ACTN2: variants seen among roughly 807,000 people sequenced by gnomAD.
The protein encoded by ACTN2 is alpha-actinin-2.
In ACTN2, 39 loss-of-function variants were observed where a neutral mutation model predicts 113.8. The observed-to-expected ratio is 0.34, with a 90% confidence interval of 0.27 to 0.45. The LOEUF is 0.45. ACTN2 is among the 20% of genes least tolerant of loss of function. The probability of loss-of-function intolerance (pLI) is 1.00; values close to 1 mark genes in which losing one functional copy is unlikely to be tolerated. For missense variants in ACTN2, 992 were observed against 1,177.9 expected (o/e 0.84, Z 2.31); for synonymous variants, 429 against 444.1 (o/e 0.97, Z 0.43).
intron 17 of ACTN2, 142 bp from the exon 18 acceptor site, chr1:236,757,344 A>AT: frequency 3.6e-5 from 39 of 1,078,828 alleles, no homozygotes; most frequent in Non-Finnish European, 5.0e-5. Flanking sequence ...ACAAAGTAGA[A>AT]TTTTTTTTCA....
chr1:236,749,567 C>T (rs902506888), intron 14 of ACTN2, among the ~76,000 whole-genome samples: 3 of 151,952 alleles, frequency 2.0e-5, no homozygotes, highest in South Asian at 2.1e-4. Context: ...GAGGCTGAGG[C>T]GGGTGGATTG....
intron 12 of ACTN2, among the ~76,000 whole-genome samples, chr1:236,747,448 T>C (rs2102934237): frequency 6.6e-6 from 1 of 152,328 alleles, no homozygotes; most frequent in Middle Eastern, 3.4e-3. Context: ...ACATACATTG[T>C]ATGAAATCAC....
At chr1:236,755,280 G>A (rs1390479913) in intron 17 of ACTN2, 82 bp downstream of exon 17, 4 of 1,501,966 alleles carry the variant, frequency 2.7e-6, no homozygotes, top group Non-Finnish European at 3.7e-6. Flanking sequence ...TCATGCACTT[G>A]TCTTTCTTTG....
chr1:236,759,817 G>T (rs1255615761), intron 19 of ACTN2, 28 bp downstream of exon 19: 1 of 1,593,242 alleles, frequency 6.3e-7, no homozygotes, highest in African/African-American at 1.3e-5. Context: ...ATTGTACTAA[G>T]ATTTGATATT....
chr1:236,739,658 T>C (rs773924537), intron 10 of ACTN2, 126 bp downstream of exon 10: 42 of 1,143,434 alleles, frequency 3.7e-5, no homozygotes, highest in Non-Finnish European at 5.0e-5. Flanking sequence ...AATATCATTT[T>C]GGCCCTGTAA....
At chr1:236,747,574 T>C (rs1659273225) in intron 12 of ACTN2, 93 bp from the exon 13 acceptor site, 1 of 1,165,656 alleles carries the variant, frequency 8.6e-7, no homozygotes, top group Non-Finnish European at 1.3e-6. Context: ...GTTTTTGTTT[T>C]TAAACTTCCC....
At chr1:236,715,178 T>C (rs941203625) in intron 1 of ACTN2, among the ~76,000 whole-genome samples, 18 of 151,672 alleles carry the variant, frequency 1.2e-4, no homozygotes, top group African/African-American at 2.4e-4. Flanking sequence ...TTATTCTACT[T>C]TAAGGTTTAG....
At position 236,757,617 on chromosome 1, in the gene ACTN2, CA is replaced by C; in HGVS notation, c.2288del (p.Asn763ThrfsTer10). 1 of 1,614,202 alleles carries C rather than the reference CA, an allele frequency of 6.2e-7. No homozygotes were observed. The highest frequency in any genetic ancestry group is 8.5e-7 in the Non-Finnish European group (1 of 1,180,044). On this transcript the variant is annotated frameshift_variant, in exon 18 of 21. Transcript: ENST00000366578. LOFTEE classifies it high-confidence loss of function. Reference protein sequence around the residue: ...EQMNEFRASFNHFDRRKNGLM... With the variant: ...EQMNEFRASFXHFDRRKNGLM... ...AGATGAATGAGTTCAGAGCCTCCTT[CA>C]ACCACTTTGACAGGGTACCACTCTC... is the stretch of plus-strand genomic sequence containing the variant.
chr1:236,719,205 A>G (rs1658310618), intron 3 of ACTN2, among the ~76,000 whole-genome samples, 192 bp downstream of exon 3: 2 of 152,228 alleles, frequency 1.3e-5, no homozygotes, highest in South Asian at 4.1e-4. Context: ...ACCAAGCTCT[A>G]GGTTCTTTGT....
Position 236,709,250 on chromosome 1 carries a change from A to ATATATATG in ACTN2, c.127-8602_127-8601insTGTATATA, listed in dbSNP as rs1558227429. Among the ~76,000 whole-genome samples the ATATATATG allele has an allele frequency of 7.6e-4, 74 of 97,540 alleles. 1 individual carries two copies. Among genetic ancestry groups the ATATATATG allele is most frequent in the African/African-American group, 2.3e-3 (67 of 28,858 alleles). 64.0% of individuals were successfully genotyped at this position (97,540 alleles called of 152,430 possible). On this transcript the variant is annotated intron_variant, in intron 1 of 20. Coordinates refer to ENST00000366578, the MANE Select transcript of ACTN2 (RefSeq NM_001103.4). The stretch of plus-strand genomic sequence containing the variant: ...TATATATATATATATATATATATAT[A>ATATATATG]TATATACACACACACACACACATAT...
intron 4 of ACTN2, among the ~76,000 whole-genome samples, chr1:236,720,919 TGTAATCCA>T (rs57397846): frequency 0.9 from 134,728 of 150,378 alleles, 61,647 homozygotes; most frequent in Non-Finnish European, 0.99. Flanking sequence ...CTTCTGACTC[TGTAATCCA>T]GTAGGTAACC....
Position 236,735,536 on chromosome 1 carries a change from A to G in ACTN2, c.698-99A>G, listed in dbSNP as rs996759178. The G allele has an allele frequency of 3.0e-5, 34 of 1,125,486 alleles. No homozygotes were observed. The Admixed American group carries it at 6.1e-4, about 20-fold the overall frequency. 69.7% of individuals were successfully genotyped at this position (1,125,486 alleles called of 1,614,324 possible). On this transcript the variant is annotated intron_variant, in intron 7 of 20. Transcript: ENST00000366578. ...ACAGAAATCTGGTCAGTGTAAACCA[A>G]TTTGTTCTTCCCTCTGTTCTCCCTG... is the stretch of plus-strand genomic sequence containing the variant.
intron 1 of ACTN2, among the ~76,000 whole-genome samples, chr1:236,713,543 A>G (rs181507551): frequency 2.0e-5 from 3 of 151,774 alleles, no homozygotes; most frequent in African/African-American, 2.4e-5. Context: ...AGAACAATGT[A>G]TATCCTATGA....
chr1:236,735,228 A>G (rs1658832385), intron 7 of ACTN2, among the ~76,000 whole-genome samples: 1 of 152,174 alleles, frequency 6.6e-6, no homozygotes, highest in Admixed American at 6.5e-5. Flanking sequence ...TATTCCCCGC[A>G]TCTTGCAAAG....
chr1:236,689,320 TATATATATATATATATATAC>T (rs199651958), intron 1 of ACTN2, among the ~76,000 whole-genome samples: 8,994 of 75,220 alleles, frequency 0.12, 398 homozygotes, highest in Admixed American at 0.21. Flanking sequence ...TATATATATA[TATATATATATATATATATAC>T]ACACACATAT....
intron 1 of ACTN2, among the ~76,000 whole-genome samples, chr1:236,710,268 A>T (rs1657985440): frequency 6.6e-6 from 1 of 152,244 alleles, no homozygotes; most frequent in East Asian, 1.9e-4. Flanking sequence ...GGTTGATATG[A>T]TGTAGGCTTC....
At chr1:236,743,087 TGAGCCATGCCCA>T in intron 11 of ACTN2, 44 bp downstream of exon 11, 1 of 1,610,860 alleles carries the variant, frequency 6.2e-7, no homozygotes, top group Non-Finnish European at 8.5e-7. Context: ...AAACCAGAGT[TGAGCCATGCCCA>T]GAGCCATGAT....
rs397516565 is a variant in ACTN2 at position 236,744,648 on chromosome 1, G to A, written c.1278G>A (p.Gln426=). 1 of 1,614,214 alleles carries A rather than the reference G, an allele frequency of 6.2e-7. No homozygotes were observed. Among genetic ancestry groups the A allele is most frequent in the Admixed American group, 1.7e-5 (1 of 60,028 alleles). The part of the protein sequence containing the change: ...WAYGKEQILL[Q]KDYESASLTE... ...CAGGCAAAGAGCAGATCTTGCTGCA[G>A]AAGGATTACGAGTCGGCGTCGCTGA... The change falls in exon 12 of 21, where the codon CAG becomes CAA. Residue 426 remains glutamine (Q), a synonymous_variant. Transcript: ENST00000366578.
At chr1:236,716,093 C>T (rs1572110691) in intron 1 of ACTN2, among the ~76,000 whole-genome samples, 2 of 115,968 alleles carry the variant, frequency 1.7e-5, no homozygotes, top group East Asian at 2.8e-4. Context: ...AAAATCCCTT[C>T]TTCTTCTTTT....
Sources: allele counts gnomAD v4.1 joint callset (sites outside exome capture counted in the v4.1 genomes callset), GRCh38; gene constraint gnomAD v4.1.1; transcripts MANE v1.5; gene names NCBI Gene and HGNC (gene_info 2026-07-23, HGNC 2026-07-21).